STAG1: variants seen among roughly 807,000 people sequenced by gnomAD.
STAG1 encodes STAG1 cohesin complex component.
A neutral mutation model predicts 170.9 loss-of-function variants in STAG1; 26 were observed. The observed-to-expected ratio is 0.15, with a 90% confidence interval of 0.11 to 0.21. STAG1 has a LOEUF of 0.21. STAG1 is among the 10% of genes least tolerant of loss of function. The pLI is 1.00. For missense variants in STAG1, 964 were observed against 1,509.5 expected (o/e 0.64, Z 5.99); for synonymous variants, 514 against 497.7 (o/e 1.03, Z -0.44).
chr3:136,711,271 T>C (rs1943374124), intron 1 of STAG1, among the ~76,000 whole-genome samples: 1 of 152,146 alleles, frequency 6.6e-6, no homozygotes, highest in Non-Finnish European at 1.5e-5. Context: ...TTACTCTGTT[T>C]ACTTAGGGGG....
intron 1 of STAG1, among the ~76,000 whole-genome samples, chr3:136,739,161 C>T (rs149776299): frequency 6.2e-4 from 95 of 152,138 alleles, no homozygotes; most frequent in African/African-American, 2.2e-3. Context: ...CTGAAACAGC[C>T]TAAGTTCAAA....
At position 136,359,231 on chromosome 3, in the gene STAG1, G is replaced by A; in HGVS notation, c.2853C>T (p.Gly951=). The A allele has an allele frequency of 6.2e-7, 1 of 1,613,604 alleles. No individual in the cohort carries two copies. The highest frequency in any genetic ancestry group is 8.5e-7 in the Non-Finnish European group (1 of 1,179,642). ...CAAAGCGACGTGCCAGTTCTTTAAT[G>A]CCACTGACATGGGCAGATGTCCTAT... ...NLDRTSAHVS[G]IKELARRFAL... is the part of the protein sequence containing the mutation. The change falls in exon 27 of 34, where the codon GGC becomes GGT. Residue 951 remains glycine, a synonymous_variant. Coordinates refer to ENST00000383202, the MANE Select transcript of STAG1 (RefSeq NM_005862.3).
chr3:136,639,633 T>C (rs902601061), intron 1 of STAG1, among the ~76,000 whole-genome samples: 1 of 152,136 alleles, frequency 6.6e-6, no homozygotes, highest in African/African-American at 2.4e-5. Flanking sequence ...AAGAATTAAC[T>C]AACAGTACTT....
Position 136,502,685 on chromosome 3 carries a change from T to C in STAG1, c.771A>G (p.Lys257=), listed in dbSNP as rs898963419. ...TQRQYEAERN[K]MIGKRANERL... ...TTTCATTGGCTCTCTTCCCAATCAT[T>C]TTATTTCTCTCGGCTTCATATTGTC... The change falls in exon 8 of 34, where the codon AAA becomes AAG. Residue 257 remains lysine, a synonymous_variant. Coordinates refer to ENST00000383202, the MANE Select transcript of STAG1 (RefSeq NM_005862.3). 1.3e-5 allele frequency: 21 copies of C among 1,614,006 alleles called. No homozygotes were observed. Among genetic ancestry groups the C allele is most frequent in the Non-Finnish European group, 1.8e-5 (21 of 1,179,968 alleles).
intron 15 of STAG1, among the ~76,000 whole-genome samples, chr3:136,435,969 G>GT (rs961221956): frequency 1.8e-3 from 277 of 151,452 alleles, no homozygotes; most frequent in African/African-American, 5.1e-3. Context: ...CACCCAGCCT[G>GT]TTTTTTTTGA....
At chr3:136,528,936 C>CA (rs1309793148) in intron 6 of STAG1, among the ~76,000 whole-genome samples, 1 of 149,982 alleles carries the variant, frequency 6.7e-6, no homozygotes, top group Admixed American at 6.6e-5. Flanking sequence ...ACTGAAAAAG[C>CA]AAAAAACAAA....
chr3:136,442,718 C>T (rs535929582), intron 15 of STAG1, among the ~76,000 whole-genome samples: 1 of 151,552 alleles, frequency 6.6e-6, no homozygotes, highest in African/African-American at 2.4e-5. Context: ...TAAGTTACGT[C>T]AGTATTTTGT....
chr3:136,631,645 C>T (rs926239282), intron 1 of STAG1, among the ~76,000 whole-genome samples: 4 of 152,124 alleles, frequency 2.6e-5, no homozygotes, highest in African/African-American at 9.7e-5. Flanking sequence ...AGGCTGTGCA[C>T]GTGTAGGGAC....
chr3:136,416,555 A>G (rs2087778195), intron 21 of STAG1, among the ~76,000 whole-genome samples: 1 of 152,254 alleles, frequency 6.6e-6, no homozygotes, highest in Admixed American at 6.5e-5. Context: ...GGAGAAAAGG[A>G]TAAAAAGAAT....
intron 1 of STAG1, among the ~76,000 whole-genome samples, chr3:136,634,813 T>G (rs1940486928): frequency 6.6e-6 from 1 of 152,012 alleles, no homozygotes; most frequent in Non-Finnish European, 1.5e-5. Context: ...GACATATCTT[T>G]AAATAAAATG....
At chr3:136,709,777 G>C (rs1465405544) in intron 1 of STAG1, among the ~76,000 whole-genome samples, 3 of 151,666 alleles carry the variant, frequency 2.0e-5, no homozygotes, top group Non-Finnish European at 4.4e-5. Context: ...GCTCATGCCT[G>C]TAATCCCAGC....
chr3:136,461,029 C>A (rs533627653), intron 13 of STAG1, among the ~76,000 whole-genome samples: 12 of 152,268 alleles, frequency 7.9e-5, no homozygotes, highest in South Asian at 2.1e-4. Flanking sequence ...GATAGTTTAA[C>A]CATATGCATT....
chr3:136,460,008 C>T (rs1352928067), intron 13 of STAG1, among the ~76,000 whole-genome samples: 1 of 151,310 alleles, frequency 6.6e-6, no homozygotes, highest in African/African-American at 2.4e-5. Context: ...CAAAATTAGC[C>T]GAAGGAAAGG....
chr3:136,582,536 C>T lies in STAG1; in HGVS notation c.298-13675G>A, dbSNP rs182179524. ...ATTCCAGGCTGGGCACGGTGGCTCA[C>T]GCCTGTAATCCCAGCACTTGGAGAG... On this transcript the variant is annotated intron_variant, in intron 4 of 33. Coordinates refer to ENST00000383202, the MANE Select transcript of STAG1 (RefSeq NM_005862.3). 1.8e-3 allele frequency among the ~76,000 whole-genome samples: 267 copies of T among 152,310 alleles called. 1 individual carries two copies. Among genetic ancestry groups the T allele is most frequent in the African/African-American group, 5.2e-3 (215 of 41,566 alleles).
intron 26 of STAG1, among the ~76,000 whole-genome samples, chr3:136,362,540 G>A (rs1310410966): frequency 4.0e-5 from 6 of 148,698 alleles, no homozygotes; most frequent in African/African-American, 1.5e-4. Context: ...GGCCGAGGTA[G>A]GTGGATCACT....
intron 1 of STAG1, among the ~76,000 whole-genome samples, chr3:136,690,583 A>G (rs1046754638): frequency 2.0e-5 from 3 of 152,124 alleles, no homozygotes; most frequent in Non-Finnish European, 4.4e-5. Context: ...AGCAACCCCA[A>G]AGGCATATCT....
At chr3:136,486,005 G>C (rs1299719139) in intron 9 of STAG1, among the ~76,000 whole-genome samples, 2 of 152,256 alleles carry the variant, frequency 1.3e-5, no homozygotes, top group Admixed American at 6.5e-5. Context: ...AGATATGTGG[G>C]AGTTTCCTTA....
chr3:136,425,351 TG>T (rs2088086249), intron 16 of STAG1, among the ~76,000 whole-genome samples: 1 of 152,026 alleles, frequency 6.6e-6, no homozygotes, highest in East Asian at 1.9e-4. Context: ...GGTAAAAGAT[TG>T]GGGGGTGAGT....
intron 3 of STAG1, among the ~76,000 whole-genome samples, chr3:136,619,435 T>C (rs1939742842): frequency 1.3e-5 from 2 of 151,496 alleles, no homozygotes; most frequent in South Asian, 2.1e-4. Context: ...TTAAGTCATA[T>C]TGGGTAGAGG....
Sources: gnomAD v4.1 joint callset for allele counts (sites outside exome capture counted in the v4.1 genomes callset) on GRCh38, gnomAD v4.1.1 for gene constraint, MANE v1.5 for transcripts, NCBI Gene and HGNC (gene_info 2026-07-23, HGNC 2026-07-21) for gene names.